TACC2: variants seen among roughly 807,000 people sequenced by gnomAD.
The protein encoded by TACC2 is transforming acidic coiled-coil-containing protein 2.
In TACC2, 137 loss-of-function variants were observed where a neutral mutation model predicts 227.3. The ratio of observed to expected loss-of-function variants is 0.60; its 90% CI spans 0.52 to 0.69. The LOEUF is 0.69. TACC2 is among the 30% of genes least tolerant of loss of function. The probability of loss-of-function intolerance (pLI) is 0.00; values close to 1 mark genes in which losing one functional copy is unlikely to be tolerated. For synonymous variants in TACC2, 1,523 were observed against 1,487.5 expected, an observed-to-expected ratio of 1.02 and a Z score of -0.55; for missense variants, 3,470 against 3,694.4, an observed-to-expected ratio of 0.94 and a Z score of 1.57.
chr10:122,076,002 G>A (rs183483563), intron 3 of TACC2, among the ~76,000 whole-genome samples: 19 of 152,170 alleles, frequency 1.2e-4, no homozygotes, highest in South Asian at 2.1e-4. Flanking sequence ...GTTTCACCAT[G>A]TTGGCCAGGC....
chr10:122,211,775 A>G, intron 9 of TACC2, 67 bp downstream of exon 9: 2 of 1,395,910 alleles, frequency 1.4e-6, no homozygotes, highest in South Asian at 1.5e-5. Context: ...ACCCTTGGTC[A>G]TGTGCCTGGA....
At chr10:122,135,098 CTG>C (rs1330064460) in intron 6 of TACC2, among the ~76,000 whole-genome samples, 1 of 152,186 alleles carries the variant, frequency 6.6e-6, no homozygotes, top group Non-Finnish European at 1.5e-5. Context: ...GTTGAGCAGA[CTG>C]GGGCTCAGAG....
intron 5 of TACC2, among the ~76,000 whole-genome samples, chr10:122,118,361 A>G (rs141077381): frequency 2.2e-3 from 332 of 152,084 alleles, no homozygotes; most frequent in African/African-American, 7.8e-3. Context: ...CATCCCAGCA[A>G]CTTAGCTGGC....
chr10:122,042,396 C>T lies in TACC2; in HGVS notation c.34-8042C>T, dbSNP rs555096082. Reference sequence around the variant, plus strand: ...TAGCTGGGATTACAGGTCCCTGCCACCATGCCCAGCTAATTTTTCTATTTT... The same window carrying T: ...TAGCTGGGATTACAGGTCCCTGCCATCATGCCCAGCTAATTTTTCTATTTT... On this transcript the variant is annotated intron_variant, in intron 2 of 22. Coordinates refer to ENST00000369005, the MANE Select transcript of TACC2 (RefSeq NM_206862.4). Among the ~76,000 whole-genome samples, 5 of 152,226 alleles carry T rather than the reference C, an allele frequency of 3.3e-5. No homozygotes were observed. The South Asian group carries it at 1.0e-3, about 32-fold the overall frequency.
chr10:122,061,160 A>C (rs2076770989), intron 3 of TACC2, among the ~76,000 whole-genome samples: 1 of 151,244 alleles, frequency 6.6e-6, no homozygotes, highest in Non-Finnish European at 1.5e-5. Context: ...ATGCAAAAAA[A>C]ATTAGCCGGG....
intron 7 of TACC2, among the ~76,000 whole-genome samples, chr10:122,181,437 C>T (rs1292373782): frequency 6.6e-6 from 1 of 152,142 alleles, no homozygotes; most frequent in Non-Finnish European, 1.5e-5. Context: ...AGGACTGGAG[C>T]CAGTAAATAC....
chr10:122,138,349 T>C (rs1280894951), intron 6 of TACC2, among the ~76,000 whole-genome samples: 1 of 152,042 alleles, frequency 6.6e-6, no homozygotes, highest in Non-Finnish European at 1.5e-5. Context: ...CTCTACTAAA[T>C]ATGTAAAAAA....
At chr10:122,033,006 A>AACAACAAC (rs57190575) in intron 2 of TACC2, 2 of 818,592 alleles carry the variant, frequency 2.4e-6, no homozygotes, top group African/African-American at 5.3e-5. Flanking sequence ...CAACAAAAAC[A>AACAACAAC]AAAAAACCCC....
chr10:122,165,515 C>A (rs994694282), intron 7 of TACC2, among the ~76,000 whole-genome samples: 3 of 152,152 alleles, frequency 2.0e-5, no homozygotes, highest in Non-Finnish European at 4.4e-5. Context: ...CAGCTGAGGG[C>A]CGAGTTTAGA....
chr10:122,253,135 A>G (rs953428427), intron 22 of TACC2, among the ~76,000 whole-genome samples: 2 of 152,180 alleles, frequency 1.3e-5, no homozygotes, highest in African/African-American at 4.8e-5. Context: ...GCACAGCCTC[A>G]GGGACAGGCT....
intron 3 of TACC2, among the ~76,000 whole-genome samples, chr10:122,068,726 C>T (rs571224979): frequency 1.3e-5 from 2 of 150,622 alleles, no homozygotes; most frequent in Admixed American, 6.6e-5. Context: ...TGCAGTGGTG[C>T]GATCTCGGGC....
intron 2 of TACC2, chr10:122,023,432 A>G (rs1957572909): frequency 6.6e-6 from 1 of 152,234 alleles, no homozygotes; most frequent in South Asian, 2.1e-4. Context: ...TTGTGTTAAA[A>G]GACTGGGTGT....
At chr10:122,029,367 A>G (rs956661877) in intron 2 of TACC2, among the ~76,000 whole-genome samples, 3 of 152,114 alleles carry the variant, frequency 2.0e-5, no homozygotes, top group African/African-American at 7.2e-5. Context: ...CCAGCCTGGT[A>G]TAATTATTTT....
At chr10:122,218,925 G>A (rs2095466758) in intron 11 of TACC2, among the ~76,000 whole-genome samples, 1 of 150,682 alleles carries the variant, frequency 6.6e-6, no homozygotes, top group Non-Finnish European at 1.5e-5. Context: ...AGGAAGCTGA[G>A]GCGGGAGGAT....
chr10:122,132,861 C>T lies in TACC2; in HGVS notation c.5699+127C>T, dbSNP rs7919701. On this transcript the variant is annotated intron_variant, in intron 6 of 22. Coordinates refer to ENST00000369005, the MANE Select transcript of TACC2 (RefSeq NM_206862.4). ...CCTGCAGTTTCACCCCCTCTGCACACACACACAGGGTGTGCACACCTGTCC... is the reference window on the plus strand; with the variant it reads ...CCTGCAGTTTCACCCCCTCTGCACATACACACAGGGTGTGCACACCTGTCC... 6,667 of 970,094 alleles carry T rather than the reference C, an allele frequency of 6.9e-3. 248 individuals are homozygous for T. In the African/African-American group the frequency reaches 0.085, roughly 12 times the overall value. 60.1% of individuals were successfully genotyped at this position (970,094 alleles called of 1,614,324 possible). A position where few individuals can be genotyped will look rare whatever the true frequency, so the allele number is the denominator to read the frequency against.
intron 1 of TACC2, among the ~76,000 whole-genome samples, chr10:121,995,463 T>C (rs1174298388): frequency 7.9e-5 from 12 of 152,196 alleles, no homozygotes; most frequent in Admixed American, 7.9e-4. Context: ...ACTTATAATC[T>C]ATTGTGTAAT....
chr10:122,135,881 GTGC>G (rs1187055080), intron 6 of TACC2, among the ~76,000 whole-genome samples: 1 of 152,218 alleles, frequency 6.6e-6, no homozygotes, highest in Non-Finnish European at 1.5e-5. Context: ...TTCAACTGTT[GTGC>G]TTTTCCTTGG....
intron 2 of TACC2, among the ~76,000 whole-genome samples, chr10:122,024,167 AG>A (rs1279048714): frequency 6.6e-6 from 1 of 152,084 alleles, no homozygotes; most frequent in African/African-American, 2.4e-5. Flanking sequence ...CTGGAGTTGA[AG>A]ATTAGTCTGG....
intron 2 of TACC2, among the ~76,000 whole-genome samples, chr10:122,038,280 T>C (rs1305055614): frequency 1.3e-5 from 2 of 151,804 alleles, no homozygotes; most frequent in Non-Finnish European, 2.9e-5. Flanking sequence ...AAAAAACAAA[T>C]AAACAAACAC....
Sources: gnomAD v4.1 joint callset for allele counts (sites outside exome capture counted in the v4.1 genomes callset) on GRCh38, gnomAD v4.1.1 for gene constraint, MANE v1.5 for transcripts, NCBI Gene and HGNC (gene_info 2026-07-23, HGNC 2026-07-21) for gene names.